SGCZ: variants seen among roughly 807,000 people sequenced by gnomAD.
The protein encoded by SGCZ is sarcoglycan zeta, also known as zeta-sarcoglycan.
Under a neutral mutation model 41.3 loss-of-function variants are expected in SGCZ, and 40 were observed. That is an observed-to-expected ratio of 0.97 (90% CI 0.75 to 1.26). The LOEUF is 1.26. Ranked by LOEUF, SGCZ falls within the 50% of genes most tolerant of loss-of-function variation. The pLI is 0.00. For missense variants in SGCZ, 552 were observed against 369.8 expected (o/e 1.49, Z -4.04); for synonymous variants, 206 against 137.5 (o/e 1.50, Z -3.49).
chr8:14,934,178 A>G (rs996937491), intron 1 of SGCZ, among the ~76,000 whole-genome samples: 2 of 152,042 alleles, frequency 1.3e-5, no homozygotes, highest in Non-Finnish European at 2.9e-5. Flanking sequence ...TCTAAAGAAT[A>G]TGTATTCATA....
chr8:14,550,181 GA>G (rs1803758239), intron 2 of SGCZ, among the ~76,000 whole-genome samples: 1 of 151,862 alleles, frequency 6.6e-6, no homozygotes, highest in Non-Finnish European at 1.5e-5. Context: ...ATAAATAAAT[GA>G]GATTTGTTCA....
At chr8:14,385,531 G>A (rs185697693) in intron 2 of SGCZ, among the ~76,000 whole-genome samples, 16 of 152,210 alleles carry the variant, frequency 1.1e-4, no homozygotes, top group East Asian at 9.7e-4. Context: ...CCAGGCTATC[G>A]ATAGAATGAA....
chr8:15,015,349 G>C (rs576838576), intron 1 of SGCZ, among the ~76,000 whole-genome samples: 112 of 152,204 alleles, frequency 7.4e-4, no homozygotes, highest in African/African-American at 2.6e-3. Flanking sequence ...GATTATTTAT[G>C]AATGTCTGAA....
intron 3 of SGCZ, chr8:14,309,369 T>A: frequency 1.9e-6 from 3 of 1,604,834 alleles, no homozygotes; most frequent in Non-Finnish European, 2.6e-6. Context: ...CTAATTACAT[T>A]GAACAGTCAG....
At chr8:14,465,309 G>A (rs1022408997) in intron 2 of SGCZ, among the ~76,000 whole-genome samples, 3 of 151,578 alleles carry the variant, frequency 2.0e-5, no homozygotes, top group African/African-American at 7.3e-5. Context: ...CATTTTAGTA[G>A]TATATAATGT....
chr8:15,231,992 A>G (rs188524569), intron 1 of SGCZ, among the ~76,000 whole-genome samples: 9 of 152,358 alleles, frequency 5.9e-5, no homozygotes, highest in Admixed American at 4.6e-4. Flanking sequence ...TAAGAATTTT[A>G]TCACAAACCA....
intron 1 of SGCZ, among the ~76,000 whole-genome samples, chr8:14,682,560 G>T (rs1454935827): frequency 6.6e-6 from 1 of 151,374 alleles, no homozygotes; most frequent in Non-Finnish European, 1.5e-5. Flanking sequence ...TCAGCCTCCT[G>T]AGTAGCTGGG....
intron 1 of SGCZ, among the ~76,000 whole-genome samples, chr8:15,015,689 A>C (rs1803001585): frequency 8.5e-6 from 1 of 117,058 alleles, no homozygotes; most frequent in Admixed American, 9.8e-5. Flanking sequence ...CTCCATCTCA[A>C]AAAAAAAAAA....
chr8:14,587,318 TA>T (rs1187848283), intron 1 of SGCZ, among the ~76,000 whole-genome samples: 2 of 151,504 alleles, frequency 1.3e-5, no homozygotes, highest in African/African-American at 4.9e-5. Context: ...GAAAATATTG[TA>T]AAATGCGTTC....
At chr8:14,819,082 C>T (rs1013799361) in intron 1 of SGCZ, among the ~76,000 whole-genome samples, 1 of 151,498 alleles carries the variant, frequency 6.6e-6, no homozygotes, top group Non-Finnish European at 1.5e-5. Flanking sequence ...CCAAAAGAAC[C>T]TTCCAAGGCA....
chr8:14,771,906 A>T (rs1800252796), intron 1 of SGCZ, among the ~76,000 whole-genome samples: 3 of 152,168 alleles, frequency 2.0e-5, no homozygotes, highest in Admixed American at 2.0e-4. Flanking sequence ...AAATGTTTTT[A>T]TAATTGGGAA....
chr8:14,534,140 T>G (rs1363887171), intron 2 of SGCZ, among the ~76,000 whole-genome samples: 1 of 151,950 alleles, frequency 6.6e-6, no homozygotes, highest in Non-Finnish European at 1.5e-5. Context: ...AGTTGGAAAC[T>G]GGAGCTGAAG....
At chr8:14,296,093 G>A (rs1011379392) in intron 3 of SGCZ, among the ~76,000 whole-genome samples, 2 of 152,080 alleles carry the variant, frequency 1.3e-5, no homozygotes, top group African/African-American at 4.8e-5. Context: ...AGCCAAACAT[G>A]AAGTCTAAGG....
intron 7 of SGCZ, among the ~76,000 whole-genome samples, chr8:14,097,166 G>T (rs202031349): frequency 1.3e-5 from 2 of 151,742 alleles, no homozygotes; most frequent in African/African-American, 4.8e-5. Flanking sequence ...TTGCTTCTCT[G>T]GTTCTTTTAA....
intron 1 of SGCZ, among the ~76,000 whole-genome samples, chr8:15,201,133 C>G (rs1031550179): frequency 1.1e-4 from 17 of 152,192 alleles, no homozygotes; most frequent in African/African-American, 3.9e-4. Flanking sequence ...TCTCCCACAT[C>G]AGCCTGCAGA....
chr8:14,910,941 A>G (rs1799263857), intron 1 of SGCZ, among the ~76,000 whole-genome samples: 1 of 152,038 alleles, frequency 6.6e-6, no homozygotes. Flanking sequence ...AACATATTCT[A>G]CAATCTATTC....
intron 2 of SGCZ, among the ~76,000 whole-genome samples, chr8:14,440,433 G>T (rs183362923): frequency 1.3e-5 from 2 of 151,890 alleles, no homozygotes; most frequent in East Asian, 1.9e-4. Flanking sequence ...ACTTTTTTCC[G>T]CCTGGGTTTG....
intron 4 of SGCZ, among the ~76,000 whole-genome samples, chr8:14,174,876 C>A (rs1193949752): frequency 2.0e-5 from 3 of 152,092 alleles, no homozygotes; most frequent in African/African-American, 7.2e-5. Flanking sequence ...TTGTTCTGGA[C>A]TTCTTTTCTT....
intron 1 of SGCZ, among the ~76,000 whole-genome samples, chr8:15,223,512 G>A (rs534799144): frequency 2.0e-5 from 3 of 152,134 alleles, no homozygotes; most frequent in Non-Finnish European, 4.4e-5. Context: ...ATTATTTAAC[G>A]TGTGTTTTAA....
Sources: allele counts gnomAD v4.1 joint callset (sites outside exome capture counted in the v4.1 genomes callset), GRCh38; gene constraint gnomAD v4.1.1; transcripts MANE v1.5; gene names NCBI Gene and HGNC (gene_info 2026-07-23, HGNC 2026-07-21).